SCGB2A2: variants seen among roughly 807,000 people sequenced by gnomAD.
SCGB2A2 encodes the protein mammaglobin-A.
In SCGB2A2, 11 loss-of-function variants were observed where a neutral mutation model predicts 8.8. The ratio of observed to expected loss-of-function variants is 1.25; its 90% CI spans 0.79 to 2.07. The LOEUF (loss-of-function observed/expected upper bound fraction) is 2.07, where lower values mean the gene tolerates loss of function less well. SCGB2A2 is among the 30% of genes most tolerant of loss of function. The probability of loss-of-function intolerance (pLI) is 0.00; values close to 1 mark genes in which losing one functional copy is unlikely to be tolerated. For synonymous variants in SCGB2A2, 42 were observed against 40.9 expected, an observed-to-expected ratio of 1.03 and a Z score of -0.10; for missense variants, 113 against 109.9, an observed-to-expected ratio of 1.03 and a Z score of -0.13.
intron 2 of SCGB2A2, among the ~76,000 whole-genome samples, chr11:62,272,647 C>A (rs370247668): frequency 9.5e-5 from 9 of 94,442 alleles, no homozygotes; most frequent in Admixed American, 6.2e-4. Context: ...CAAAGTTTCA[C>A]TTTTTTTTTT....
At chr11:62,271,352 T>G in intron 2 of SCGB2A2, 1 of 1,436,530 alleles carries the variant, frequency 7.0e-7, no homozygotes, top group Non-Finnish European at 9.1e-7. Flanking sequence ...AGCTCTCTAA[T>G]TCATGCTCAC....
At chr11:62,271,426 C>T in intron 2 of SCGB2A2, 3 of 1,395,376 alleles carry the variant, frequency 2.1e-6, no homozygotes, top group Non-Finnish European at 1.9e-6. Context: ...CATGCAAACA[C>T]ACAGACACAG....
intron 2 of SCGB2A2, chr11:62,271,477 A>G (rs1945278636): frequency 3.1e-6 from 4 of 1,288,416 alleles, no homozygotes; most frequent in Non-Finnish European, 3.0e-6. Flanking sequence ...ACATACACAA[A>G]CATAGACAGA....
chr11:62,271,426 CACAG>C (rs1172129294), intron 2 of SCGB2A2: 15 of 1,395,256 alleles, frequency 1.1e-5, no homozygotes, highest in Non-Finnish European at 1.3e-5. Context: ...CATGCAAACA[CACAG>C]ACACAGTCAC....
chr11:62,270,309 G>T (rs749895161), intron 1 of SCGB2A2, 38 bp downstream of exon 1: 19 of 1,601,082 alleles, frequency 1.2e-5, no homozygotes, highest in Non-Finnish European at 1.5e-5. Context: ...CGGGGTTAGG[G>T]GTTGTCACTT....
Position 62,270,929 on chromosome 11 carries a change from C to T in SCGB2A2, c.104C>T (p.Pro35Leu). ...AATGTGATTTCCAAGACAATCAATC[C>T]ACAAGTGTCTAAGACTGAATACAAA... Reference protein sequence around the residue: ...LENVISKTINPQVSKTEYKEL... With the variant: ...LENVISKTINLQVSKTEYKEL... Residue 35 changes from proline (P) to leucine (L), a missense_variant, in exon 2 of 3, where the codon CCA becomes CTA. Pro to Leu is a moderately conservative substitution (Grantham distance 98). Transcript: ENST00000227918. 6.2e-7 allele frequency: 1 copy of T among 1,614,144 alleles called. No individual in the cohort carries two copies. The highest frequency in any genetic ancestry group is 8.5e-7 in the Non-Finnish European group (1 of 1,180,002).
chr11:62,272,581 C>T (rs1036525479), intron 2 of SCGB2A2, among the ~76,000 whole-genome samples: 8 of 149,268 alleles, frequency 5.4e-5, no homozygotes, highest in African/African-American at 2.0e-4. Context: ...TGGCAGAGGG[C>T]GTCGGACTGC....
rs1945274204 is a variant in SCGB2A2, at chr11:62,271,057, G to A, written c.232G>A (p.Glu78Lys). The change falls in exon 2 of 3, where the codon GAG becomes AAG. Residue 78 changes from glutamate to lysine, a missense_variant. Physicochemically the swap from Glu to Lys is moderately conservative, Grantham distance 56. Transcript: ENST00000227918. ...NQTDETLSNV[E>K]VFMQLIYDSS... is the part of the protein sequence containing the mutation. ...AACGGATGAAACTCTGAGCAATGTTGAGGTGTTTATGGTAATTTCATTTTC... is the reference window on the plus strand; with the variant it reads ...AACGGATGAAACTCTGAGCAATGTTAAGGTGTTTATGGTAATTTCATTTTC... 1 of 1,614,084 alleles carries A rather than the reference G, an allele frequency of 6.2e-7. No individual in the cohort carries two copies. Among genetic ancestry groups the A allele is most frequent in the Non-Finnish European group, 8.5e-7 (1 of 1,180,040 alleles).
chr11:62,272,033 C>T (rs950153173), intron 2 of SCGB2A2: 1 of 167,942 alleles, frequency 6.0e-6, no homozygotes, highest in Non-Finnish European at 8.0e-6. Flanking sequence ...TTCTTTAATC[C>T]TTCCCTGGTA....
At chr11:62,271,783 G>A (rs1945281257) in intron 2 of SCGB2A2, 1 of 985,572 alleles carries the variant, frequency 1.0e-6, no homozygotes, top group Non-Finnish European at 1.2e-6. Flanking sequence ...TACCATTTGA[G>A]CAAGATTCTA....
chr11:62,272,042 TAAAAAAAA>T (rs71053028), intron 2 of SCGB2A2: 21 of 215,024 alleles, frequency 9.8e-5, no homozygotes, highest in Non-Finnish European at 5.5e-5. Context: ...CCTTCCCTGG[TAAAAAAAA>T]AAAAAAAAAA....
In SCGB2A2 at chr11:62,273,068, C is replaced by A. The variant is rs1945292785; in HGVS notation, c.*73C>A. On this transcript the variant is annotated 3_prime_UTR_variant, in exon 3 of 3. Coordinates refer to ENST00000227918, the MANE Select transcript of SCGB2A2 (RefSeq NM_002411.4). ...ACCAACTACGGATTGCTGCAAACCACACCTTCTCTTTCTTATGTCTTTTTA... is the reference window on the plus strand; with the variant it reads ...ACCAACTACGGATTGCTGCAAACCAAACCTTCTCTTTCTTATGTCTTTTTA... 2 of 1,029,284 alleles carry A rather than the reference C, an allele frequency of 1.9e-6. No individual in the cohort carries two copies. The highest frequency in any genetic ancestry group is 1.6e-5 in the African/African-American group (1 of 61,888). The allele number at this position is 1,029,284 out of a possible 1,614,324, so 63.8% of individuals were successfully genotyped here.
In SCGB2A2 at chr11:62,270,951, C is replaced by A; in HGVS notation, c.126C>A (p.Tyr42Ter). Residue 42 changes from tyrosine to a stop codon, truncating the protein, a stop_gained, in exon 2 of 3, where the codon TAC becomes TAA. Coordinates refer to ENST00000227918, the MANE Select transcript of SCGB2A2 (RefSeq NM_002411.4). LOFTEE classifies it high-confidence loss of function. ...TINPQVSKTE[Y>*]KELLQEFIDD... ...ATCCACAAGTGTCTAAGACTGAATACAAAGAACTTCTTCAAGAGTTCATAG... is the reference window on the plus strand; with the variant it reads ...ATCCACAAGTGTCTAAGACTGAATAAAAAGAACTTCTTCAAGAGTTCATAG... The A allele has an allele frequency of 6.2e-7, 1 of 1,614,064 alleles. No homozygotes were observed. Among genetic ancestry groups the A allele is most frequent in the Non-Finnish European group, 8.5e-7 (1 of 1,179,954 alleles).
chr11:62,270,879 A>G lies in SCGB2A2; in HGVS notation c.56-2A>G. 6.2e-7 allele frequency: 1 copy of G among 1,612,876 alleles called. No individual in the cohort carries two copies. The highest frequency in any genetic ancestry group is 8.5e-7 in the Non-Finnish European group (1 of 1,179,068). On this transcript the variant is annotated splice_acceptor_variant, in intron 1 of 2. Transcript: ENST00000227918. LOFTEE classifies it high-confidence loss of function. Reference sequence around the variant, plus strand: ...GCTTGTTTCCTTGTGCATCCTTCCCAGGCTCTGGCTGCCCCTTATTGGAGA... The same window carrying G: ...GCTTGTTTCCTTGTGCATCCTTCCCGGGCTCTGGCTGCCCCTTATTGGAGA...
rs769309586 is a variant in SCGB2A2 at position 62,272,910 on chromosome 11, TAG to T, written c.244-42_244-41del. ...TCTGTTTTTCAAGATTTTATTTTGT[TAG>T]AGAGTGCAGAAAATCTAAGTGATGT... On this transcript the variant is annotated intron_variant, in intron 2 of 2. Transcript: ENST00000227918. 1.9e-4 allele frequency: 262 copies of T among 1,396,728 alleles called. No individual in the cohort carries two copies. The East Asian group carries it at 5.6e-3, about 30-fold the overall frequency. The allele number at this position is 1,396,728 out of a possible 1,614,324, so 86.5% of individuals were successfully genotyped here. A position where few individuals can be genotyped will look rare whatever the true frequency, so the allele number is the denominator to read the frequency against.
chr11:62,271,732 T>C, intron 2 of SCGB2A2: 5 of 986,220 alleles, frequency 5.1e-6, no homozygotes, highest in Non-Finnish European at 6.0e-6. Context: ...GTAAAAGTGT[T>C]CTTTCTTAAA....
intron 2 of SCGB2A2, 144 bp from the exon 3 acceptor site, chr11:62,272,813 G>A (rs1371201465): frequency 9.8e-6 from 5 of 508,224 alleles, no homozygotes; most frequent in Non-Finnish European, 1.7e-5. Flanking sequence ...AGAAACAACA[G>A]CTCTTCTACT....
intron 2 of SCGB2A2, chr11:62,271,623 A>G: frequency 9.9e-7 from 1 of 1,013,668 alleles, no homozygotes; most frequent in Non-Finnish European, 1.2e-6. Flanking sequence ...AGACACACAC[A>G]TACAAACATA....
chr11:62,270,294 T>C, intron 1 of SCGB2A2, 23 bp downstream of exon 1: 4 of 1,611,722 alleles, frequency 2.5e-6, no homozygotes, highest in Non-Finnish European at 2.5e-6. Context: ...CAGGGAGGGC[T>C]GCCTCGGGGT....
Sources: gnomAD v4.1 joint callset for allele counts (sites outside exome capture counted in the v4.1 genomes callset) on GRCh38, gnomAD v4.1.1 for gene constraint, MANE v1.5 for transcripts, NCBI Gene and HGNC (gene_info 2026-07-23, HGNC 2026-07-21) for gene names.